SLC16A10: variants seen among roughly 807,000 people sequenced by gnomAD.
SLC16A10 encodes monocarboxylate transporter 10.
A neutral mutation model predicts 40.0 loss-of-function variants in SLC16A10; 27 were observed. The observed-to-expected ratio is 0.67, with a 90% CI of 0.50 to 0.93. The LOEUF (loss-of-function observed/expected upper bound fraction) is 0.93. Ranked by LOEUF, SLC16A10 falls within the 40% of genes least tolerant of loss-of-function variation. SLC16A10 has a pLI of 0.00. For synonymous variants in SLC16A10, 213 were observed against 249.8 expected (o/e 0.85, Z 1.39); for missense variants, 529 against 658.2 (o/e 0.80, Z 2.15).
intron 3 of SLC16A10, among the ~76,000 whole-genome samples, chr6:111,196,441 G>A (rs893888623): frequency 6.6e-6 from 1 of 152,146 alleles, no homozygotes; most frequent in African/African-American, 2.4e-5. Context: ...CTGTGATCGT[G>A]CCACTGCACT....
At chr6:111,169,919 CTTTTTTTTT>C (rs60561269) in intron 1 of SLC16A10, among the ~76,000 whole-genome samples, 1 of 135,114 alleles carries the variant, frequency 7.4e-6, no homozygotes, top group African/African-American at 2.7e-5. Context: ...TCTTTTCTTT[CTTTTTTTTT>C]TTTTTTGAGA....
chr6:111,229,790 T>C lies in SLC16A10; in HGVS notation c.*7555T>C, dbSNP rs1206335963. On this transcript the variant is annotated 3_prime_UTR_variant, in exon 6 of 6. Coordinates refer to ENST00000368851, the MANE Select transcript of SLC16A10 (RefSeq NM_018593.5). Reference sequence around the variant, plus strand: ...CTCTCAGCACCATCGTTGGTCTGATTGTGTAACACCTAAGTAAAATAACAT... The same window carrying C: ...CTCTCAGCACCATCGTTGGTCTGATCGTGTAACACCTAAGTAAAATAACAT... The C allele has an allele frequency of 1.3e-5, 2 of 152,108 alleles. No homozygotes were observed. Among genetic ancestry groups the C allele is most frequent in the Non-Finnish European group, 2.9e-5 (2 of 68,040 alleles). The allele number at this position is 152,108 out of a possible 1,614,324, so 9.4% of individuals were successfully genotyped here.
At chr6:111,119,454 A>T (rs990742750) in intron 1 of SLC16A10, among the ~76,000 whole-genome samples, 1 of 152,216 alleles carries the variant, frequency 6.6e-6, no homozygotes, top group Non-Finnish European at 1.5e-5. Flanking sequence ...ATGTTTTGAC[A>T]TATTCTTTTG....
chr6:111,206,624 A>T lies in SLC16A10; in HGVS notation c.975A>T (p.Glu325Asp), dbSNP rs373761089. 6.2e-7 allele frequency: 1 copy of T among 1,614,110 alleles called. No homozygotes were observed. Among genetic ancestry groups the T allele is most frequent in the Non-Finnish European group, 8.5e-7 (1 of 1,180,022 alleles). Residue 325 changes from glutamate to aspartate, a missense_variant, in exon 4 of 6, where the codon GAA becomes GAT. By Grantham distance (45) the Glu-to-Asp change is conservative (BLOSUM62 2). Transcript: ENST00000368851. Reference sequence around the variant, plus strand: ...ATGTAAATGAAAGATTTCAAGATGAAAAAAATAAAGAGGTTGTTCTCATGT... The same window carrying T: ...ATGTAAATGAAAGATTTCAAGATGATAAAAATAAAGAGGTTGTTCTCATGT... ...MKHVNERFQD[E>D]KNKEVVLMCI...
At chr6:111,106,127 G>A (rs1016266609) in intron 1 of SLC16A10, among the ~76,000 whole-genome samples, 5 of 151,946 alleles carry the variant, frequency 3.3e-5, no homozygotes, top group African/African-American at 4.8e-5. Context: ...ACAATTATAG[G>A]GAAGGGAAGA....
At chr6:111,099,375 G>A (rs1489456284) in intron 1 of SLC16A10, among the ~76,000 whole-genome samples, 1 of 152,154 alleles carries the variant, frequency 6.6e-6, no homozygotes, top group East Asian at 1.9e-4. Context: ...AAGCGTAGGG[G>A]TATGAACACA....
intron 3 of SLC16A10, among the ~76,000 whole-genome samples, chr6:111,183,439 C>A (rs899998314): frequency 2.0e-5 from 3 of 152,104 alleles, no homozygotes; most frequent in Non-Finnish European, 2.9e-5. Flanking sequence ...GTGGTAGATC[C>A]CAAGCATCTA....
chr6:111,165,486 C>T (rs1048594467), intron 1 of SLC16A10, among the ~76,000 whole-genome samples: 1 of 152,156 alleles, frequency 6.6e-6, no homozygotes, highest in Non-Finnish European at 1.5e-5. Flanking sequence ...GCTTGGATAT[C>T]CACTTTTAAT....
At chr6:111,168,413 T>G (rs1772518660) in intron 1 of SLC16A10, among the ~76,000 whole-genome samples, 1 of 152,236 alleles carries the variant, frequency 6.6e-6, no homozygotes, top group African/African-American at 2.4e-5. Context: ...TGAAATAGTC[T>G]TCTGAGCACA....
intron 3 of SLC16A10, among the ~76,000 whole-genome samples, chr6:111,193,809 T>C (rs1773035352): frequency 6.6e-6 from 1 of 152,246 alleles, no homozygotes; most frequent in African/African-American, 2.4e-5. Flanking sequence ...TGAAAATATC[T>C]AATTTTAACT....
intron 1 of SLC16A10, among the ~76,000 whole-genome samples, chr6:111,160,052 TTC>T (rs1170767730): frequency 6.6e-6 from 1 of 152,208 alleles, no homozygotes; most frequent in African/African-American, 2.4e-5. Context: ...TTTGCAAATC[TTC>T]TCTCTCAGTT....
At chr6:111,147,833 G>A (rs975373926) in intron 1 of SLC16A10, among the ~76,000 whole-genome samples, 3 of 152,134 alleles carry the variant, frequency 2.0e-5, no homozygotes, top group South Asian at 4.2e-4. Flanking sequence ...CAGCACAAAC[G>A]CCATTAAGTC....
chr6:111,160,342 G>A lies in SLC16A10; in HGVS notation c.344-12353G>A, dbSNP rs573085791. Among the ~76,000 whole-genome samples, 4 of 152,306 alleles carry A rather than the reference G, an allele frequency of 2.6e-5. No individual in the cohort carries two copies. In the South Asian group the frequency reaches 6.2e-4, roughly 24 times the overall value. On this transcript the variant is annotated intron_variant, in intron 1 of 5. Transcript: ENST00000368851. Reference sequence around the variant, plus strand: ...CAACCTCCACCTCCTGGGTTCAAGCGATTCTTGTGCTTCAGCCTCCTGAAT... The same window carrying A: ...CAACCTCCACCTCCTGGGTTCAAGCAATTCTTGTGCTTCAGCCTCCTGAAT...
At chr6:111,197,364 A>C (rs2114573521) in intron 3 of SLC16A10, among the ~76,000 whole-genome samples, 1 of 152,320 alleles carries the variant, frequency 6.6e-6, no homozygotes, top group South Asian at 2.1e-4. Context: ...AATAAGAACT[A>C]ATGGCCTAAT....
At chr6:111,097,245 A>G (rs1192392423) in intron 1 of SLC16A10, among the ~76,000 whole-genome samples, 4 of 152,126 alleles carry the variant, frequency 2.6e-5, no homozygotes, top group African/African-American at 4.8e-5. Flanking sequence ...GCAGAAGACA[A>G]TGTCATACTC....
At chr6:111,150,397 A>C (rs905187098) in intron 1 of SLC16A10, among the ~76,000 whole-genome samples, 1 of 152,206 alleles carries the variant, frequency 6.6e-6, no homozygotes, top group Non-Finnish European at 1.5e-5. Flanking sequence ...ACAGACTGAG[A>C]CACTTAATAT....
Position 111,087,932 on chromosome 6 carries a change from G to GC in SLC16A10, c.186dup (p.Glu63ArgfsTer46). 4.4e-6 allele frequency: 7 copies of GC among 1,604,180 alleles called. No homozygotes were observed. The highest frequency in any genetic ancestry group is 1.7e-5 in the Admixed American group (1 of 58,822). On this transcript the variant is annotated frameshift_variant, in exon 1 of 6. Transcript: ENST00000368851. LOFTEE classifies it high-confidence loss of function. ...GGCCGGCGACCGCGGAGCCCCATGA[G>GC]CCCCCCGAACCCCCCGAGGGCGGCT...
chr6:111,180,519 AGCCTGGGT>A (rs1772770065), intron 3 of SLC16A10, among the ~76,000 whole-genome samples: 1 of 152,258 alleles, frequency 6.6e-6, no homozygotes, highest in Non-Finnish European at 1.5e-5. Flanking sequence ...ACTGCACTCC[AGCCTGGGT>A]GACTGAGTAA....
At chr6:111,103,277 G>A (rs993278254) in intron 1 of SLC16A10, among the ~76,000 whole-genome samples, 1 of 152,000 alleles carries the variant, frequency 6.6e-6, no homozygotes, top group Non-Finnish European at 1.5e-5. Context: ...GAATGCAATG[G>A]CACGATCTTG....
Sources: gnomAD v4.1 joint callset for allele counts (sites outside exome capture counted in the v4.1 genomes callset) on GRCh38, gnomAD v4.1.1 for gene constraint, MANE v1.5 for transcripts, NCBI Gene and HGNC (gene_info 2026-07-23, HGNC 2026-07-21) for gene names.